MYO3B: variants seen among roughly 807,000 people sequenced by gnomAD.
MYO3B encodes the protein myosin-IIIb.
A neutral mutation model predicts 174.6 loss-of-function variants in MYO3B; 156 were observed. The observed-to-expected ratio is 0.89, with a 90% CI of 0.78 to 1.02. The LOEUF is 1.02. Ranked by LOEUF, MYO3B falls within the 50% of genes least tolerant of loss-of-function variation. MYO3B has a pLI of 0.00. For synonymous variants in MYO3B, 563 were observed against 569.1 expected (o/e 0.99, Z 0.15); for missense variants, 1,632 against 1,639.4 (o/e 1.00, Z 0.08).
intron 18 of MYO3B, 57 bp downstream of exon 18, chr2:170,401,748 C>T (rs905606408): frequency 6.7e-7 from 1 of 1,489,644 alleles, no homozygotes; most frequent in African/African-American, 1.4e-5. Context: ...CCCGCCGTCT[C>T]TTAGAGTTTG....
At chr2:170,589,466 G>A (rs1041118145) in intron 32 of MYO3B, among the ~76,000 whole-genome samples, 16 of 152,082 alleles carry the variant, frequency 1.1e-4, no homozygotes, top group African/African-American at 3.9e-4. Flanking sequence ...AAGATATGGA[G>A]GTAGAAGACA....
At chr2:170,333,904 G>A (rs2093929117) in intron 7 of MYO3B, 1 of 152,316 alleles carries the variant, frequency 6.6e-6, no homozygotes, top group South Asian at 2.1e-4. Flanking sequence ...CTGAGGATTA[G>A]ACTCAGCTGC....
intron 7 of MYO3B, among the ~76,000 whole-genome samples, chr2:170,274,552 A>G (rs1229138265): frequency 1.3e-5 from 2 of 152,190 alleles, no homozygotes; most frequent in African/African-American, 4.8e-5. Flanking sequence ...GCTGCAGGGC[A>G]CCCAGAAAAT....
chr2:170,296,957 C>T (rs753131528), intron 7 of MYO3B, among the ~76,000 whole-genome samples: 6 of 152,162 alleles, frequency 3.9e-5, no homozygotes, highest in Non-Finnish European at 5.9e-5. Context: ...GGTGTTAAGC[C>T]ATGACAAACC....
At chr2:170,616,658 A>G (rs560336826) in intron 32 of MYO3B, among the ~76,000 whole-genome samples, 1 of 152,352 alleles carries the variant, frequency 6.6e-6, no homozygotes, top group Admixed American at 6.5e-5. Flanking sequence ...CACATGAACA[A>G]TAAACCAATA....
intron 23 of MYO3B, among the ~76,000 whole-genome samples, chr2:170,451,889 C>G (rs1475162623): frequency 6.6e-6 from 1 of 152,124 alleles, no homozygotes; most frequent in Admixed American, 6.5e-5. Flanking sequence ...ATATCACATC[C>G]TGGATCCCCA....
chr2:170,357,313 AT>A (rs1237455499), intron 8 of MYO3B, among the ~76,000 whole-genome samples: 1 of 145,070 alleles, frequency 6.9e-6, no homozygotes, highest in African/African-American at 2.5e-5. Flanking sequence ...CTCAAAAAAA[AT>A]AAAAATAAAA....
intron 32 of MYO3B, among the ~76,000 whole-genome samples, chr2:170,600,963 G>T (rs144646206): frequency 1.3e-5 from 2 of 152,232 alleles, no homozygotes; most frequent in African/African-American, 4.8e-5. Context: ...CAAGATTTTG[G>T]ATTTTCAGTT....
chr2:170,542,881 A>G, intron 30 of MYO3B, 25 bp from the exon 31 acceptor site: 5 of 1,556,754 alleles, frequency 3.2e-6, no homozygotes, highest in Non-Finnish European at 4.4e-6. Context: ...GTCTTTTAAA[A>G]TTATTATTAT....
At chr2:170,449,239 A>G (rs533208658) in intron 23 of MYO3B, among the ~76,000 whole-genome samples, 1 of 152,334 alleles carries the variant, frequency 6.6e-6, no homozygotes, top group African/African-American at 2.4e-5. Flanking sequence ...TTGATTATTT[A>G]AAGAAAGCAT....
At chr2:170,446,016 AT>A (rs2094839730) in intron 23 of MYO3B, among the ~76,000 whole-genome samples, 1 of 152,110 alleles carries the variant, frequency 6.6e-6, no homozygotes, top group Non-Finnish European at 1.5e-5. Context: ...CAAAAAAAAA[AT>A]GTGGTACTTA....
chr2:170,551,688 A>T (rs4449101), intron 32 of MYO3B, among the ~76,000 whole-genome samples: 116,651 of 151,646 alleles, frequency 0.77, 45,395 homozygotes, highest in African/African-American at 0.87. Flanking sequence ...ATTTCTAATT[A>T]AGCTTAATTT....
Position 170,653,360 on chromosome 2 carries a change from T to C in MYO3B, c.*239T>C. On this transcript the variant is annotated 3_prime_UTR_variant, in exon 35 of 35. Coordinates refer to ENST00000408978, the MANE Select transcript of MYO3B (RefSeq NM_138995.5). ...CTTCCTTTCTCATCCCATGGGGCCC[T>C]GTGGGACACTGAGAACACCTTTACA... The C allele has an allele frequency of 1.9e-6, 1 of 531,020 alleles. No individual in the cohort carries two copies. The highest frequency in any genetic ancestry group is 3.3e-6 in the Non-Finnish European group (1 of 299,420). 32.9% of individuals were successfully genotyped at this position (531,020 alleles called of 1,614,324 possible). A position where few individuals can be genotyped will look rare whatever the true frequency, so the allele number is the denominator to read the frequency against.
At chr2:170,451,411 GT>G (rs1463989577) in intron 23 of MYO3B, among the ~76,000 whole-genome samples, 1 of 152,222 alleles carries the variant, frequency 6.6e-6, no homozygotes, top group Non-Finnish European at 1.5e-5. Flanking sequence ...AAGTCAAACA[GT>G]TTTCAAAAGT....
chr2:170,350,559 C>T (rs1358585620), intron 8 of MYO3B: 1 of 152,176 alleles, frequency 6.6e-6, no homozygotes, highest in Admixed American at 6.5e-5. Context: ...CATTTGAAGG[C>T]TGCCTTAGGG....
chr2:170,500,097 C>T (rs1054334566), intron 27 of MYO3B, among the ~76,000 whole-genome samples: 23 of 152,100 alleles, frequency 1.5e-4, no homozygotes, highest in African/African-American at 4.3e-4. Context: ...ACTTTCTTTC[C>T]GTGTCCTGAA....
At chr2:170,588,784 C>A (rs1480865261) in intron 32 of MYO3B, among the ~76,000 whole-genome samples, 5 of 152,222 alleles carry the variant, frequency 3.3e-5, no homozygotes, top group African/African-American at 1.2e-4. Flanking sequence ...TGAGAAAACA[C>A]TGATGCAATT....
chr2:170,601,961 C>G, intron 32 of MYO3B: 1 of 848,418 alleles, frequency 1.2e-6, no homozygotes, highest in Non-Finnish European at 2.0e-6. Context: ...TTGGAATCCT[C>G]GAACTTCTTT....
At position 170,369,259 on chromosome 2, in the gene MYO3B, A is replaced by G. The variant is rs200057008; in HGVS notation, c.853A>G (p.Thr285Ala). The G allele has an allele frequency of 8.6e-5, 138 of 1,613,544 alleles. 1 individual carries two copies. In the East Asian group the frequency reaches 3.0e-3, roughly 35 times the overall value. The change falls in exon 9 of 35, where the codon ACA becomes GCA. Residue 285 changes from threonine to alanine, a missense_variant. Physicochemically the swap from Thr to Ala is moderately conservative, Grantham distance 58. Transcript: ENST00000408978. ...IKDFERRPSV[T>A]HLLDHPFIKG... ...GGATTTTGAAAGGCGACCTTCCGTC[A>G]CACATCTCCTTGACCACCCATTTAT...
Sources: allele counts gnomAD v4.1 joint callset (sites outside exome capture counted in the v4.1 genomes callset), GRCh38; gene constraint gnomAD v4.1.1; transcripts MANE v1.5; gene names NCBI Gene and HGNC (gene_info 2026-07-23, HGNC 2026-07-21).